MYO5B: variants seen among roughly 807,000 people sequenced by gnomAD.
MYO5B encodes the protein unconventional myosin-Vb.
Under a neutral mutation model 229.3 loss-of-function variants are expected in MYO5B, and 143 were observed. The ratio of observed to expected loss-of-function variants is 0.62; its 90% CI spans 0.54 to 0.72. The LOEUF is 0.72. Ranked by LOEUF, MYO5B falls within the 30% of genes least tolerant of loss-of-function variation. The pLI is 0.00. For missense variants in MYO5B, 2,321 were observed against 2,331.0 expected, an observed-to-expected ratio of 1.00 and a Z score of 0.09; for synonymous variants, 918 against 885.2, an observed-to-expected ratio of 1.04 and a Z score of -0.66.
At chr18:50,177,218 T>A (rs976078249) in intron 1 of MYO5B, among the ~76,000 whole-genome samples, 1 of 151,830 alleles carries the variant, frequency 6.6e-6, no homozygotes, top group East Asian at 1.9e-4. Flanking sequence ...AAGGACTACA[T>A]GACAAAAAAA....
rs116476584 is a variant in MYO5B, at chr18:49,939,712, G to A, written c.1753-2315C>T. On this transcript the variant is annotated intron_variant, in intron 14 of 39. Transcript: ENST00000285039. ...GTGGCTGAGCCTGGGCTAGAACCTC[G>A]GCCTCCGGATGCCCAGGTCAGAATT... Among the ~76,000 whole-genome samples the A allele has an allele frequency of 9.3e-3, 1,409 of 152,236 alleles. 18 individuals carry two copies. Among genetic ancestry groups the A allele is most frequent in the African/African-American group, 0.028 (1,169 of 41,522 alleles).
intron 22 of MYO5B, among the ~76,000 whole-genome samples, chr18:49,893,774 C>A (rs746714369): frequency 6.6e-6 from 1 of 152,214 alleles, no homozygotes; most frequent in Non-Finnish European, 1.5e-5. Flanking sequence ...CTATGCAAGC[C>A]CAGCACATGC....
At position 50,164,871 on chromosome 18, in the gene MYO5B, T is replaced by C. The variant is rs539379806; in HGVS notation, c.27+29896A>G. Among the ~76,000 whole-genome samples, 8 of 152,356 alleles carry C rather than the reference T, an allele frequency of 5.3e-5. No homozygotes were observed. In the South Asian group the frequency reaches 1.7e-3, roughly 32 times the overall value. On this transcript the variant is annotated intron_variant, in intron 1 of 39. Coordinates refer to ENST00000285039, the MANE Select transcript of MYO5B (RefSeq NM_001080467.3). ...AGAGTAAAATAGAAAATGTCCCTTC[T>C]TGGAGCTGAAGTTGAGTTAAGAAAT...
chr18:50,089,322 G>C (rs760813734), intron 1 of MYO5B, among the ~76,000 whole-genome samples: 1 of 152,076 alleles, frequency 6.6e-6, no homozygotes, highest in Non-Finnish European at 1.5e-5. Context: ...AGGTTGCAGT[G>C]AGCCAAGATC....
At chr18:49,868,561 C>G (rs613674) in intron 27 of MYO5B, among the ~76,000 whole-genome samples, 100,773 of 152,132 alleles carry the variant, frequency 0.66, 33,522 homozygotes, top group Middle Eastern at 0.77. Context: ...TGGCCGTAAG[C>G]AGGGTCTGTC....
intron 1 of MYO5B, among the ~76,000 whole-genome samples, chr18:50,060,055 G>T (rs761785999): frequency 6.6e-6 from 1 of 152,140 alleles, no homozygotes; most frequent in East Asian, 1.9e-4. Context: ...GGAGGGGAAG[G>T]GTTTCTTTTT....
intron 7 of MYO5B, 105 bp from the exon 8 acceptor site, chr18:49,984,930 A>G: frequency 1.2e-6 from 1 of 814,652 alleles, no homozygotes; most frequent in South Asian, 1.4e-5. Context: ...CCCAGACTAA[A>G]TTTTAGGCCC....
At chr18:49,842,030 G>C (rs1252040849) in intron 34 of MYO5B, among the ~76,000 whole-genome samples, 1 of 151,716 alleles carries the variant, frequency 6.6e-6, no homozygotes, top group East Asian at 1.9e-4. Flanking sequence ...ACTTCACGCA[G>C]CTCATTCTGT....
At chr18:50,018,022 A>AT (rs1156253466) in intron 4 of MYO5B, among the ~76,000 whole-genome samples, 1 of 152,188 alleles carries the variant, frequency 6.6e-6, no homozygotes, top group African/African-American at 2.4e-5. Flanking sequence ...TATGAGTTAA[A>AT]TGGGTCTCTT....
rs770121321 is a variant in MYO5B, at chr18:49,877,716, A to G, written c.3396+47T>C. The G allele has an allele frequency of 1.9e-6, 3 of 1,612,286 alleles. No homozygotes were observed. The South Asian group carries it at 3.3e-5, about 18-fold the overall frequency. ...GACAGTTCCACACAGAAAAAAACACACACTCCCTCTGGAGGAGGACAGTAC... is the reference window on the plus strand; with the variant it reads ...GACAGTTCCACACAGAAAAAAACACGCACTCCCTCTGGAGGAGGACAGTAC... On this transcript the variant is annotated intron_variant, in intron 25 of 39. Coordinates refer to ENST00000285039, the MANE Select transcript of MYO5B (RefSeq NM_001080467.3).
chr18:50,013,451 G>A (rs1482590089), intron 4 of MYO5B, among the ~76,000 whole-genome samples: 1 of 152,170 alleles, frequency 6.6e-6, no homozygotes, highest in Non-Finnish European at 1.5e-5. Context: ...ATGAGAAAAC[G>A]ACACTTATGT....
chr18:49,974,668 C>T (rs1486229356), intron 9 of MYO5B, 53 bp from the exon 10 acceptor site: 1 of 1,583,936 alleles, frequency 6.3e-7, no homozygotes, highest in African/African-American at 1.3e-5. Flanking sequence ...ACAAGCCGCC[C>T]CCCACCAATG....
chr18:50,072,715 T>C (rs1248945389), intron 1 of MYO5B, among the ~76,000 whole-genome samples: 1 of 151,936 alleles, frequency 6.6e-6, no homozygotes, highest in Admixed American at 6.6e-5. Flanking sequence ...ACATTAATCA[T>C]CAATGGAAAG....
chr18:50,101,557 A>C (rs566300925), intron 1 of MYO5B, among the ~76,000 whole-genome samples: 5 of 152,310 alleles, frequency 3.3e-5, no homozygotes, highest in South Asian at 2.1e-4. Flanking sequence ...AGAAAAAAAA[A>C]CAGACAACTC....
intron 1 of MYO5B, among the ~76,000 whole-genome samples, chr18:50,157,982 C>A (rs549369651): frequency 2.6e-5 from 4 of 152,310 alleles, no homozygotes; most frequent in Admixed American, 6.5e-5. Flanking sequence ...GGAGGTTTTA[C>A]TGTATGTGAC....
At chr18:49,862,593 C>T (rs1049414722) in intron 29 of MYO5B, among the ~76,000 whole-genome samples, 1 of 152,208 alleles carries the variant, frequency 6.6e-6, no homozygotes, top group Non-Finnish European at 1.5e-5. Context: ...TGGGGGTCTG[C>T]GTTCTGTCTG....
intron 1 of MYO5B, among the ~76,000 whole-genome samples, chr18:50,114,475 G>A (rs1489113077): frequency 2.0e-5 from 3 of 152,204 alleles, no homozygotes; most frequent in African/African-American, 7.2e-5. Flanking sequence ...GAACCCAGAG[G>A]TACAGCCCGG....
intron 29 of MYO5B, among the ~76,000 whole-genome samples, chr18:49,857,215 G>A (rs2024273272): frequency 6.6e-6 from 1 of 152,206 alleles, no homozygotes; most frequent in Non-Finnish European, 1.5e-5. Flanking sequence ...TGGCAGCAAG[G>A]CAGCAGTGTG....
At chr18:50,123,840 G>A (rs1226476140) in intron 1 of MYO5B, among the ~76,000 whole-genome samples, 3 of 152,172 alleles carry the variant, frequency 2.0e-5, no homozygotes, top group Non-Finnish European at 4.4e-5. Context: ...ACCAGACAAT[G>A]CTGGTACTTG....
Sources: allele counts gnomAD v4.1 joint callset (sites outside exome capture counted in the v4.1 genomes callset), GRCh38; gene constraint gnomAD v4.1.1; transcripts MANE v1.5; gene names NCBI Gene and HGNC (gene_info 2026-07-23, HGNC 2026-07-21).